Variants in SGK2 observed in about 807,000 individuals in gnomAD.
SGK2 encodes the protein serine/threonine-protein kinase Sgk2.
SGK2 carries 36 observed loss-of-function variants against 47.5 expected under a neutral mutation model. That is an observed-to-expected ratio of 0.76 (90% CI 0.58 to 1.00). SGK2 has a LOEUF of 1.00. Among genes scored for constraint, SGK2 ranks in the 50% least tolerant of loss-of-function variants. SGK2 has a pLI of 0.00. For missense variants in SGK2, 404 were observed against 467.4 expected, an observed-to-expected ratio of 0.86 and a Z score of 1.25; for synonymous variants, 157 against 181.9, an observed-to-expected ratio of 0.86 and a Z score of 1.10.
At chr20:43,576,113 A>C in intron 10 of SGK2, 111 bp from the exon 11 acceptor site, 10 of 1,259,130 alleles carry the variant, frequency 7.9e-6, no homozygotes, top group Non-Finnish European at 8.9e-6. Flanking sequence ...GCCATTGCAC[A>C]AGACAGGGGT....
Position 43,567,852 on chromosome 20 carries a change from C to A in SGK2, c.145-64C>A, listed in dbSNP as rs1979831909. 8 of 1,559,932 alleles carry A rather than the reference C, an allele frequency of 5.1e-6. No individual in the cohort carries two copies. In the South Asian group the frequency reaches 6.7e-5, roughly 13 times the overall value. ...GACAAAAGCAGGGGCAGGCGGGAGG[C>A]CTTGTACTGCTGTTGGGAAGTCCAA... On this transcript the variant is annotated intron_variant, in intron 4 of 12. Coordinates refer to ENST00000373100, the MANE Select transcript of SGK2 (RefSeq NM_170693.3).
intron 12 of SGK2, among the ~76,000 whole-genome samples, chr20:43,583,986 G>A (rs761800653): frequency 6.6e-6 from 1 of 152,038 alleles, no homozygotes; most frequent in Non-Finnish European, 1.5e-5. Context: ...TATTTTGTTC[G>A]GATTCTATGT....
At position 43,569,528 on chromosome 20, in the gene SGK2, C is replaced by A. The variant is rs757839179; in HGVS notation, c.360+12C>A. ...TCAACGGGGGAGAGGTGGGTGGGCCCACAGGGAGGCTTCCCTGGGCTGGCT... is the reference window on the plus strand; with the variant it reads ...TCAACGGGGGAGAGGTGGGTGGGCCAACAGGGAGGCTTCCCTGGGCTGGCT... On this transcript the variant is annotated intron_variant, in intron 6 of 12. Coordinates refer to ENST00000373100, the MANE Select transcript of SGK2 (RefSeq NM_170693.3). 3 of 1,611,572 alleles carry A rather than the reference C, an allele frequency of 1.9e-6. No individual in the cohort carries two copies. In the South Asian group the frequency reaches 3.3e-5, roughly 18 times the overall value.
intron 2 of SGK2, 52 bp downstream of exon 2, chr20:43,566,583 G>A (rs756827424): frequency 6.8e-6 from 9 of 1,319,740 alleles, no homozygotes; most frequent in Non-Finnish European, 9.6e-6. Flanking sequence ...TTCTTCCCGA[G>A]GCTAAGGAAA....
intron 1 of SGK2, chr20:43,565,663 G>A (rs1979656025): frequency 6.6e-6 from 1 of 152,252 alleles, no homozygotes; most frequent in Non-Finnish European, 1.5e-5. Context: ...GGGCTTTCAG[G>A]TGAGATCTCT....
intron 9 of SGK2, 40 bp from the exon 10 acceptor site, chr20:43,574,869 T>A: frequency 6.5e-7 from 1 of 1,529,330 alleles, no homozygotes; most frequent in Non-Finnish European, 9.0e-7. Context: ...CAACTGAGGC[T>A]TAACGACTTA....
At chr20:43,561,386 ATTTT>A (rs5841510) in intron 1 of SGK2, among the ~76,000 whole-genome samples, 5 of 112,384 alleles carry the variant, frequency 4.4e-5, no homozygotes, top group Non-Finnish European at 5.3e-5. Context: ...GAGGCTTTGG[ATTTT>A]TTTTTTTTTT....
chr20:43,565,559 C>G (rs1423535425), intron 1 of SGK2, among the ~76,000 whole-genome samples: 1 of 152,208 alleles, frequency 6.6e-6, no homozygotes, highest in Non-Finnish European at 1.5e-5. Context: ...AGGACCCCCC[C>G]TTGTAAAGAT....
In SGK2 at chr20:43,567,502, C is replaced by T. The variant is rs151192832; in HGVS notation, c.87-163C>T. ...AGGGTGAATCTTACAAGCCCTCTTTCGGCTGGGAGAACATGGGGTTCTTCG... is the reference window on the plus strand; with the variant it reads ...AGGGTGAATCTTACAAGCCCTCTTTTGGCTGGGAGAACATGGGGTTCTTCG... On this transcript the variant is annotated intron_variant, in intron 3 of 12. Transcript: ENST00000373100. 3.3e-5 allele frequency among the ~76,000 whole-genome samples: 5 copies of T among 152,242 alleles called. No homozygotes were observed. The East Asian group carries it at 9.6e-4, about 29-fold the overall frequency.
chr20:43,562,461 C>T (rs1279605537), intron 1 of SGK2, among the ~76,000 whole-genome samples: 2 of 141,474 alleles, frequency 1.4e-5, no homozygotes, highest in Non-Finnish European at 3.1e-5. Flanking sequence ...GATGCTTTGG[C>T]TGGGCACGGT....
chr20:43,574,823 GT>G, intron 9 of SGK2, 85 bp from the exon 10 acceptor site: 1 of 923,284 alleles, frequency 1.1e-6, no homozygotes, highest in East Asian at 2.7e-5. Context: ...TCAGCTCTTG[GT>G]CATCTTCCTC....
chr20:43,584,924 A>G lies in SGK2; in HGVS notation c.1012A>G (p.Thr338Ala). Residue 338 changes from threonine (T) to alanine (A), a missense_variant, in exon 13 of 13, where the codon ACC becomes GCC. Coordinates refer to ENST00000373100, the MANE Select transcript of SGK2 (RefSeq NM_170693.3). ...AGCTGTGTCCAAGTCCATTGGCTGT[A>G]CCCCTGACACTGTGGCCAGCAGCTC... ...QEAVSKSIGC[T>A]PDTVASSSGA... The G allele has an allele frequency of 6.2e-7, 1 of 1,614,112 alleles. No homozygotes were observed. Among genetic ancestry groups the G allele is most frequent in the Non-Finnish European group, 8.5e-7 (1 of 1,179,990 alleles).
chr20:43,564,124 T>C (rs1324785187), intron 1 of SGK2, among the ~76,000 whole-genome samples: 1 of 152,240 alleles, frequency 6.6e-6, no homozygotes, highest in East Asian at 1.9e-4. Flanking sequence ...GAAGGGACCC[T>C]GTGAGAACCT....
chr20:43,559,378 C>T (rs1038748984), intron 1 of SGK2, among the ~76,000 whole-genome samples: 1 of 152,160 alleles, frequency 6.6e-6, no homozygotes, highest in African/African-American at 2.4e-5. Context: ...AACTAACCAA[C>T]TTACATCCTC....
rs781753057 is a variant in SGK2 at position 43,576,279 on chromosome 20, C to A, written c.749C>A (p.Pro250Gln). ...SQMYENILHQ[P>Q]LQIPGGRTVA... is the part of the protein sequence containing the mutation. ...ATGTATGAGAACATTCTGCACCAGC[C>A]GCTACAGATCCCCGGAGGCCGGACA... The change falls in exon 11 of 13, where the codon CCG (proline) becomes CAG (glutamine). Residue 250 changes from proline (P) to glutamine (Q), a missense_variant. Physicochemically the swap from Pro to Gln is moderately conservative, Grantham distance 76 (BLOSUM62 -1). Transcript: ENST00000373100. 3.1e-6 allele frequency: 5 copies of A among 1,614,096 alleles called. No homozygotes were observed. Among genetic ancestry groups the A allele is most frequent in the Non-Finnish European group, 4.2e-6 (5 of 1,180,038 alleles).
intron 1 of SGK2, among the ~76,000 whole-genome samples, chr20:43,559,375 C>CA (rs1217433360): frequency 1.3e-5 from 2 of 152,084 alleles, no homozygotes; most frequent in Non-Finnish European, 2.9e-5. Flanking sequence ...CTTAACTAAC[C>CA]AACTTACATC....
intron 1 of SGK2, among the ~76,000 whole-genome samples, chr20:43,561,962 G>A (rs531270591): frequency 2.8e-4 from 42 of 152,120 alleles, no homozygotes; most frequent in African/African-American, 7.0e-4. Flanking sequence ...GAGTGGAGGC[G>A]GAGTGAGGGT....
At chr20:43,562,152 G>A (rs1331597078) in intron 1 of SGK2, among the ~76,000 whole-genome samples, 1 of 151,834 alleles carries the variant, frequency 6.6e-6, no homozygotes, top group Non-Finnish European at 1.5e-5. Context: ...AGTGGGTCAC[G>A]CCTGTAATCC....
intron 11 of SGK2, among the ~76,000 whole-genome samples, chr20:43,579,728 A>C (rs890815169): frequency 6.6e-6 from 1 of 152,154 alleles, no homozygotes; most frequent in Non-Finnish European, 1.5e-5. Flanking sequence ...GTGCCCAGAG[A>C]AGATGCTCAG....
Sources: allele counts gnomAD v4.1 joint callset (sites outside exome capture counted in the v4.1 genomes callset), GRCh38; gene constraint gnomAD v4.1.1; transcripts MANE v1.5; gene names NCBI Gene and HGNC (gene_info 2026-07-23, HGNC 2026-07-21).